MALRD1: variants seen among roughly 807,000 people sequenced by gnomAD.
MALRD1 encodes MAM and LDL-receptor class A domain-containing protein 1.
A neutral mutation model predicts 242.1 loss-of-function variants in MALRD1; 247 were observed. The ratio of observed to expected loss-of-function variants is 1.02; its 90% CI spans 0.92 to 1.13. MALRD1 has a LOEUF of 1.13. MALRD1 is among the 50% of genes most tolerant of loss of function. MALRD1 has a pLI of 0.00. For synonymous variants in MALRD1, 995 were observed against 866.6 expected (o/e 1.15, Z -2.60); for missense variants, 2,989 against 2,533.1 (o/e 1.18, Z -3.86).
chr10:19,361,299 C>G (rs937928573), intron 26 of MALRD1, among the ~76,000 whole-genome samples: 1 of 152,068 alleles, frequency 6.6e-6, no homozygotes, highest in Admixed American at 6.6e-5. Context: ...CACTGGCCAG[C>G]ATGTGAATGT....
chr10:19,422,535 G>A (rs771206583), intron 28 of MALRD1, among the ~76,000 whole-genome samples: 4 of 152,150 alleles, frequency 2.6e-5, no homozygotes, highest in Non-Finnish European at 4.4e-5. Context: ...TGTGCATAGA[G>A]TAGTAATCGC....
At chr10:19,342,488 T>A (rs955799482) in intron 24 of MALRD1, among the ~76,000 whole-genome samples, 1 of 152,138 alleles carries the variant, frequency 6.6e-6, no homozygotes, top group African/African-American at 2.4e-5. Context: ...AAAAGAGATA[T>A]GTAAATAAAC....
chr10:19,346,160 T>C (rs894286342), intron 24 of MALRD1, among the ~76,000 whole-genome samples: 1 of 152,168 alleles, frequency 6.6e-6, no homozygotes, highest in Admixed American at 6.6e-5. Context: ...GATAATTTTA[T>C]CTGACTTGGG....
At chr10:19,628,998 C>T (rs917750008) in intron 36 of MALRD1, among the ~76,000 whole-genome samples, 2 of 152,088 alleles carry the variant, frequency 1.3e-5, no homozygotes, top group Admixed American at 6.6e-5. Flanking sequence ...AAACTGCTCT[C>T]GCCCAGCTCA....
chr10:19,558,923 C>T (rs1835842540), intron 32 of MALRD1, among the ~76,000 whole-genome samples: 1 of 151,978 alleles, frequency 6.6e-6, no homozygotes, highest in South Asian at 2.1e-4. Flanking sequence ...GTGGCTCACA[C>T]CTGTAATCCC....
At chr10:19,180,422 A>G (rs536850624) in intron 14 of MALRD1, among the ~76,000 whole-genome samples, 5 of 152,302 alleles carry the variant, frequency 3.3e-5, no homozygotes, top group African/African-American at 9.6e-5. Flanking sequence ...TCTAAACATA[A>G]AAGACCAAAT....
At chr10:19,288,354 T>C (rs1327722501) in intron 21 of MALRD1, among the ~76,000 whole-genome samples, 2 of 152,122 alleles carry the variant, frequency 1.3e-5, no homozygotes, top group Non-Finnish European at 2.9e-5. Flanking sequence ...TTATCGATGA[T>C]AACAACCCTG....
At chr10:19,495,353 A>C (rs1033040411) in intron 30 of MALRD1, among the ~76,000 whole-genome samples, 1 of 152,070 alleles carries the variant, frequency 6.6e-6, no homozygotes, top group African/African-American at 2.4e-5. Flanking sequence ...CAGGTCACCT[A>C]CAAAGGGAAC....
intron 38 of MALRD1, among the ~76,000 whole-genome samples, chr10:19,698,467 T>C (rs911452173): frequency 1.3e-5 from 2 of 152,144 alleles, no homozygotes; most frequent in Admixed American, 1.3e-4. Flanking sequence ...ATCTCTTTCC[T>C]CTTCCCAGTC....
At chr10:19,564,356 A>C (rs1377728854) in intron 32 of MALRD1, among the ~76,000 whole-genome samples, 1 of 152,106 alleles carries the variant, frequency 6.6e-6, no homozygotes, top group Non-Finnish European at 1.5e-5. Context: ...TCTATGTTTA[A>C]ATTTAGCAAG....
intron 11 of MALRD1, among the ~76,000 whole-genome samples, chr10:19,147,991 G>A (rs1212286427): frequency 1.3e-5 from 2 of 152,160 alleles, no homozygotes; most frequent in Non-Finnish European, 2.9e-5. Context: ...GGAGAGGAAG[G>A]AAGGGGACTC....
chr10:19,451,092 C>T (rs1039767087), intron 29 of MALRD1, among the ~76,000 whole-genome samples: 13 of 152,150 alleles, frequency 8.5e-5, no homozygotes, highest in East Asian at 1.9e-4. Flanking sequence ...CTCTTCCTTC[C>T]GTACCATCCG....
intron 28 of MALRD1, among the ~76,000 whole-genome samples, chr10:19,446,974 G>A (rs559952338): frequency 1.3e-5 from 2 of 151,622 alleles, no homozygotes; most frequent in Admixed American, 6.6e-5. Flanking sequence ...GTGAAGTAAC[G>A]ACATATGTGG....
chr10:19,670,345 G>C (rs1841862397), intron 36 of MALRD1, among the ~76,000 whole-genome samples: 1 of 152,144 alleles, frequency 6.6e-6, no homozygotes, highest in Non-Finnish European at 1.5e-5. Context: ...GCCTTCACCT[G>C]TTGTGGTGAT....
At chr10:19,500,039 C>T (rs1564393881) in intron 31 of MALRD1, among the ~76,000 whole-genome samples, 2 of 152,024 alleles carry the variant, frequency 1.3e-5, no homozygotes, top group African/African-American at 4.8e-5. Context: ...ATTTTTGTGT[C>T]TGTGTTTATC....
intron 26 of MALRD1, among the ~76,000 whole-genome samples, chr10:19,371,120 A>G (rs1288335714): frequency 6.8e-6 from 1 of 146,860 alleles, no homozygotes; most frequent in African/African-American, 2.5e-5. Flanking sequence ...AGAAAAAGCC[A>G]GGTGTGGTGG....
At chr10:19,345,273 T>C (rs1055264896) in intron 24 of MALRD1, among the ~76,000 whole-genome samples, 10 of 152,268 alleles carry the variant, frequency 6.6e-5, no homozygotes, top group Admixed American at 3.3e-4. Context: ...ATCAAATCTG[T>C]TTTTCAGCAG....
At chr10:19,058,358 G>A (rs942002655) in intron 1 of MALRD1, among the ~76,000 whole-genome samples, 3 of 152,060 alleles carry the variant, frequency 2.0e-5, no homozygotes, top group African/African-American at 7.2e-5. Context: ...AATTTCTAAA[G>A]ATAAAATGTT....
intron 36 of MALRD1, among the ~76,000 whole-genome samples, chr10:19,666,924 G>T (rs1049426147): frequency 6.6e-6 from 1 of 152,188 alleles, no homozygotes; most frequent in Non-Finnish European, 1.5e-5. Context: ...TTGTGTACCT[G>T]CAGAAGAAGC....
Sources: gnomAD v4.1 joint callset for allele counts (sites outside exome capture counted in the v4.1 genomes callset) on GRCh38, gnomAD v4.1.1 for gene constraint, MANE v1.5 for transcripts, NCBI Gene and HGNC (gene_info 2026-07-23, HGNC 2026-07-21) for gene names.